The following OR1F1 variants were observed in gnomAD, a reference collection of about 807,000 sequenced individuals.
The protein encoded by OR1F1 is olfactory receptor 1F1.
For synonymous variants in OR1F1, 184 were observed against 156.7 expected (o/e 1.17, Z -1.30); for missense variants, 493 against 376.3 (o/e 1.31, Z -2.57).
At chr16:3,198,539 G>C in the OR1F1 span, among the ~76,000 whole-genome samples, 18 of 152,304 alleles carry the variant, frequency 1.2e-4, no homozygotes, top group African/African-American at 4.1e-4. Flanking sequence ...GGAACAGGTA[G>C]CTCTCCTGGG....
At chr16:3,192,070 T>A in the OR1F1 span, among the ~76,000 whole-genome samples, 13 of 152,088 alleles carry the variant, frequency 8.5e-5, no homozygotes, top group Admixed American at 6.5e-4. Context: ...CCTCTTCTTA[T>A]TTTTGAGACA....
At chr16:3,192,950 T>C in the OR1F1 span, among the ~76,000 whole-genome samples, 1 of 152,220 alleles carries the variant, frequency 6.6e-6, no homozygotes, top group African/African-American at 2.4e-5. Flanking sequence ...TTTTTTATCT[T>C]TTTTGAAATG....
chr16:3,191,819 G>A, the OR1F1 span, among the ~76,000 whole-genome samples: 5 of 152,172 alleles, frequency 3.3e-5, no homozygotes, highest in Non-Finnish European at 7.3e-5. Context: ...GGGTGTGAGG[G>A]GTGCAGGGGC....
chr16:3,191,047 A>T, the OR1F1 span, among the ~76,000 whole-genome samples: 12 of 152,288 alleles, frequency 7.9e-5, no homozygotes, highest in African/African-American at 2.6e-4. Flanking sequence ...GTGCGGAGCG[A>T]CACCTGCGAG....
chr16:3,202,690 T>TAAG (rs1336086246), upstream of OR1F1, among the ~76,000 whole-genome samples: 1 of 135,582 alleles, frequency 7.4e-6, no homozygotes, highest in East Asian at 2.0e-4. Flanking sequence ...ATAATAATAA[T>TAAG]AATAATAATA....
chr16:3,195,467 G>A, the OR1F1 span, among the ~76,000 whole-genome samples: 11,383 of 152,106 alleles, frequency 0.075, 574 homozygotes, highest in Non-Finnish European at 0.11. Context: ...ATTACCTGAG[G>A]TCAGGAGTTC....
chr16:3,201,174 A>G (rs1478408125), upstream of OR1F1, among the ~76,000 whole-genome samples: 3 of 152,190 alleles, frequency 2.0e-5, no homozygotes, highest in Non-Finnish European at 4.4e-5. Context: ...TTATGGATGA[A>G]TGATATTCCA....
At chr16:3,201,812 C>T (rs7184884), upstream of OR1F1, among the ~76,000 whole-genome samples, 42,193 of 151,946 alleles carry the variant, frequency 0.28, 6,530 homozygotes, top group African/African-American at 0.42. Flanking sequence ...GACACCCAGG[C>T]GTCACTGCCC....
chr16:3,194,361 T>C, the OR1F1 span, among the ~76,000 whole-genome samples: 1 of 152,184 alleles, frequency 6.6e-6, no homozygotes, highest in Non-Finnish European at 1.5e-5. Flanking sequence ...TTCCATTTCA[T>C]AGAAATAAGA....
At chr16:3,205,204 A>G (rs767665896), downstream of OR1F1, 1 of 1,550,838 alleles carries the variant, frequency 6.4e-7, no homozygotes, top group South Asian at 1.2e-5. Context: ...TCAAGACTGA[A>G]TCTCATTCCC....
the OR1F1 span, among the ~76,000 whole-genome samples, chr16:3,193,536 C>G: frequency 1.3e-5 from 2 of 152,218 alleles, no homozygotes; most frequent in Non-Finnish European, 2.9e-5. Context: ...TGGGAGTTTT[C>G]TCTCGTTCAC....
the OR1F1 span, among the ~76,000 whole-genome samples, chr16:3,189,581 G>A: frequency 6.6e-6 from 1 of 152,164 alleles, no homozygotes; most frequent in Non-Finnish European, 1.5e-5. Flanking sequence ...CGCCCCAGCC[G>A]CCCCCAGGAT....
At chr16:3,206,519 C>G (rs8048327), downstream of OR1F1, among the ~76,000 whole-genome samples, 1 of 152,090 alleles carries the variant, frequency 6.6e-6, no homozygotes, top group East Asian at 1.9e-4. Flanking sequence ...TGGGTCCTAC[C>G]AATATGGGAT....
At chr16:3,192,920 A>G in the OR1F1 span, among the ~76,000 whole-genome samples, 14 of 152,076 alleles carry the variant, frequency 9.2e-5, no homozygotes, top group East Asian at 2.5e-3. Context: ...GCGGGATTAA[A>G]AAAAAAGAGT....
At chr16:3,203,368 C>G (rs745450612), upstream of OR1F1, among the ~76,000 whole-genome samples, 3 of 152,206 alleles carry the variant, frequency 2.0e-5, no homozygotes, top group African/African-American at 7.2e-5. Flanking sequence ...GCTCCAGTGA[C>G]GAGTCACCCT....
At chr16:3,192,120 T>G in the OR1F1 span, among the ~76,000 whole-genome samples, 6 of 152,128 alleles carry the variant, frequency 3.9e-5, no homozygotes. Context: ...GCAGTGGCGC[T>G]ATCTCAACTC....
At chr16:3,198,201 C>T in the OR1F1 span, among the ~76,000 whole-genome samples, 5 of 151,582 alleles carry the variant, frequency 3.3e-5, no homozygotes, top group South Asian at 2.1e-4. Context: ...AATTGGCTCA[C>T]GCAGATGGAG....
chr16:3,190,435 G>C, the OR1F1 span, among the ~76,000 whole-genome samples: 2 of 138,950 alleles, frequency 1.4e-5, no homozygotes, highest in Admixed American at 1.4e-4. Context: ...AAGAATCAAA[G>C]AAATTTACAA....
At chr16:3,204,561 C>T in exon 1 of OR1F1, 1 of 1,614,196 alleles carries the variant, frequency 6.2e-7, no homozygotes, top group Non-Finnish European at 8.5e-7. Flanking sequence ...ATTTCGTTTT[C>T]ATGTTCGTGG....
Sources: gnomAD v4.1 joint callset for allele counts (sites outside exome capture counted in the v4.1 genomes callset) on GRCh38, gnomAD v4.1.1 for gene constraint, MANE v1.5 for transcripts, NCBI Gene and HGNC (gene_info 2026-07-23, HGNC 2026-07-21) for gene names.